The following CAPN7 variants were observed in gnomAD, a reference collection of about 807,000 sequenced individuals.
CAPN7 encodes the protein calpain 7, also known as calpain-7.
Under a neutral mutation model 115.2 loss-of-function variants are expected in CAPN7, and 72 were observed. That is an observed-to-expected ratio of 0.63 (90% confidence interval 0.52 to 0.76). The LOEUF is 0.76. CAPN7 is among the 30% of genes least tolerant of loss of function. The pLI is 0.00. For synonymous variants in CAPN7, 344 were observed against 322.3 expected, an observed-to-expected ratio of 1.07 and a Z score of -0.72; for missense variants, 905 against 971.5, an observed-to-expected ratio of 0.93 and a Z score of 0.91.
At position 15,240,594 on chromosome 3, in the gene CAPN7, G is replaced by T; in HGVS notation, c.1529G>T (p.Arg510Leu). Residue 510 changes from arginine to leucine, a missense_variant, in exon 13 of 21, where the codon CGA (arginine) becomes CTA (leucine). Coordinates refer to ENST00000253693, the MANE Select transcript of CAPN7 (RefSeq NM_014296.3). ...ELQKYLNFDPRTAQKIDNGIF... is the reference protein window; with the variant it reads ...ELQKYLNFDPLTAQKIDNGIF... The stretch of plus-strand genomic sequence containing the variant: ...CAAAAGTATTTAAACTTTGATCCCC[G>T]AACAGCTCAGAAAATAGACAACGGT... 6.2e-7 allele frequency: 1 copy of T among 1,603,976 alleles called. No homozygotes were observed. The highest frequency in any genetic ancestry group is 1.1e-5 in the South Asian group (1 of 88,726).
chr3:15,247,540 T>A, intron 19 of CAPN7, 83 bp downstream of exon 19: 1 of 1,085,314 alleles, frequency 9.2e-7, no homozygotes, highest in Non-Finnish European at 1.3e-6. Flanking sequence ...GAAACAGACC[T>A]AAGCATATAT....
chr3:15,247,025 A>G (rs368358865), intron 18 of CAPN7, among the ~76,000 whole-genome samples: 140 of 152,336 alleles, frequency 9.2e-4, no homozygotes, highest in Middle Eastern at 3.4e-3. Flanking sequence ...AGAGAAGGCA[A>G]TGTGGATGAA....
intron 2 of CAPN7, among the ~76,000 whole-genome samples, chr3:15,213,022 G>A (rs372815722): frequency 2.0e-5 from 3 of 152,210 alleles, no homozygotes; most frequent in South Asian, 2.1e-4. Flanking sequence ...AAAACAAGGC[G>A]GTTTACTTTT....
rs760200226 is a variant in CAPN7, at chr3:15,251,688, A to G, written c.*428A>G. 6.5e-6 allele frequency: 1 copy of G among 153,082 alleles called. No homozygotes were observed. The highest frequency in any genetic ancestry group is 1.5e-5 in the Non-Finnish European group (1 of 68,700). 9.5% of individuals were successfully genotyped at this position (153,082 alleles called of 1,614,324 possible). ...TTTCCATTGTTTCCCTTTTTTGCAGAGCATGTGGAAGTTAAACCTGCTTGA... is the reference window on the plus strand; with the variant it reads ...TTTCCATTGTTTCCCTTTTTTGCAGGGCATGTGGAAGTTAAACCTGCTTGA... On this transcript the variant is annotated 3_prime_UTR_variant, in exon 21 of 21. Transcript: ENST00000253693.
chr3:15,208,565 G>A lies in CAPN7; in HGVS notation c.102+1968G>A, dbSNP rs562328806. Among the ~76,000 whole-genome samples, 12 of 151,802 alleles carry A rather than the reference G, an allele frequency of 7.9e-5. No homozygotes were observed. In the South Asian group the frequency reaches 1.2e-3, roughly 16 times the overall value. On this transcript the variant is annotated intron_variant, in intron 1 of 20. Coordinates refer to ENST00000253693, the MANE Select transcript of CAPN7 (RefSeq NM_014296.3). Reference sequence around the variant, plus strand: ...CCTGCCTCAGTCTCCCAAAATGCTGGAATTACAGGCGTGAGCCTCTGTGCC... The same window carrying A: ...CCTGCCTCAGTCTCCCAAAATGCTGAAATTACAGGCGTGAGCCTCTGTGCC...
chr3:15,220,931 A>G lies in CAPN7; in HGVS notation c.588A>G (p.Ser196=), dbSNP rs2124915576. 1 of 1,614,176 alleles carries G rather than the reference A, an allele frequency of 6.2e-7. No homozygotes were observed. Among genetic ancestry groups the G allele is most frequent in the East Asian group, 2.2e-5 (1 of 44,890 alleles). ...ERPQSFISPQ[S]CDAQGQRYTA... is the part of the protein sequence containing the mutation. ...CTCAGTCATTTATAAGTCCTCAGTC[A>G]TGTGATGCACAAGGACAGAGATACA... Residue 196 remains serine (S), a synonymous_variant, in exon 5 of 21, where the codon TCA becomes TCG. Coordinates refer to ENST00000253693, the MANE Select transcript of CAPN7 (RefSeq NM_014296.3).
intron 18 of CAPN7, 28 bp from the exon 19 acceptor site, chr3:15,247,299 T>C: frequency 1.4e-6 from 2 of 1,475,966 alleles, no homozygotes; most frequent in East Asian, 2.5e-5. Flanking sequence ...TGAAATTTTG[T>C]TAATACTAAA....
intron 19 of CAPN7, among the ~76,000 whole-genome samples, chr3:15,250,535 A>AGT (rs1237692236): frequency 7.2e-5 from 11 of 152,006 alleles, no homozygotes; most frequent in African/African-American, 2.7e-4. Flanking sequence ...AGCCAGGCAC[A>AGT]GTGGCATACC....
At chr3:15,230,756 T>G (rs931671186) in intron 9 of CAPN7, among the ~76,000 whole-genome samples, 1 of 152,230 alleles carries the variant, frequency 6.6e-6, no homozygotes, top group Admixed American at 6.5e-5. Flanking sequence ...TGAGAAAATG[T>G]ATACAGTTTC....
chr3:15,218,438 T>A (rs1214264203), intron 3 of CAPN7, 35 bp from the exon 4 acceptor site: 1 of 1,491,718 alleles, frequency 6.7e-7, no homozygotes, highest in Non-Finnish European at 9.3e-7. Flanking sequence ...AAAATAATTA[T>A]GCTTTAAAAT....
rs1322326073 is a variant in CAPN7 at position 15,247,370 on chromosome 3, A to G, written c.2117A>G (p.Asn706Ser). ...WSGQSAGGCG[N>S]FQETHKNNPI... ...GGTCAGAGTGCTGGAGGATGTGGAA[A>G]TTTCCAAGAGACTCACAAAAATAAC... The change falls in exon 19 of 21, where the codon AAT (asparagine) becomes AGT (serine). Residue 706 changes from asparagine (N) to serine (S), a missense_variant. Transcript: ENST00000253693. 1 of 1,610,734 alleles carries G rather than the reference A, an allele frequency of 6.2e-7. No individual in the cohort carries two copies. Among genetic ancestry groups the G allele is most frequent in the Non-Finnish European group, 8.5e-7 (1 of 1,178,366 alleles).
chr3:15,210,252 G>A (rs2044854252), intron 1 of CAPN7, among the ~76,000 whole-genome samples: 1 of 151,698 alleles, frequency 6.6e-6, no homozygotes, highest in African/African-American at 2.4e-5. Context: ...TCCTGCCTCA[G>A]ACTCCTAAGT....
rs1205920420 is a variant in CAPN7 at position 15,230,427 on chromosome 3, T to A, written c.939-15T>A. 3.9e-6 allele frequency: 6 copies of A among 1,541,488 alleles called. No homozygotes were observed. The highest frequency in any genetic ancestry group is 5.4e-6 in the Non-Finnish European group (6 of 1,114,216). ...ACTAATGTTGGTATTTTAATATTTA[T>A]TTTTCTTACAAAAGCATAATTTACC... On this transcript the variant is annotated splice_polypyrimidine_tract_variant and intron_variant, in intron 8 of 20. Coordinates refer to ENST00000253693, the MANE Select transcript of CAPN7 (RefSeq NM_014296.3).
At chr3:15,231,017 T>C (rs889438047) in intron 9 of CAPN7, among the ~76,000 whole-genome samples, 5 of 152,204 alleles carry the variant, frequency 3.3e-5, no homozygotes, top group African/African-American at 1.2e-4. Context: ...CCTTGCATTG[T>C]TAAGGTTCTC....
At chr3:15,210,730 G>A (rs1051240737) in intron 1 of CAPN7, 1 of 1,215,622 alleles carries the variant, frequency 8.2e-7, no homozygotes, top group African/African-American at 1.6e-5. Flanking sequence ...TGAGTAGCTG[G>A]GACTACTTTG....
chr3:15,250,528 C>G (rs994286191), intron 19 of CAPN7, among the ~76,000 whole-genome samples: 2 of 151,970 alleles, frequency 1.3e-5, no homozygotes, highest in African/African-American at 4.8e-5. Flanking sequence ...AAAATTTAGC[C>G]AGGCACAGTG....
At chr3:15,244,395 A>G (rs1421420230) in intron 16 of CAPN7, among the ~76,000 whole-genome samples, 1 of 152,134 alleles carries the variant, frequency 6.6e-6, no homozygotes, top group Non-Finnish European at 1.5e-5. Context: ...TTATAATTTT[A>G]TTTTAATTAC....
intron 1 of CAPN7, among the ~76,000 whole-genome samples, chr3:15,207,325 G>A (rs554099669): frequency 1.3e-5 from 2 of 152,298 alleles, no homozygotes; most frequent in South Asian, 2.1e-4. Flanking sequence ...ACCAGTGTGG[G>A]GCACTTACCC....
At chr3:15,211,050 G>T in intron 1 of CAPN7, 11 of 492,602 alleles carry the variant, frequency 2.2e-5, no homozygotes, top group Middle Eastern at 4.2e-4. Context: ...TGGAAGTTAT[G>T]GAATAACTGG....
Sources: gnomAD v4.1 joint callset for allele counts (sites outside exome capture counted in the v4.1 genomes callset) on GRCh38, gnomAD v4.1.1 for gene constraint, MANE v1.5 for transcripts, NCBI Gene and HGNC (gene_info 2026-07-23, HGNC 2026-07-21) for gene names.